Variants in ARHGAP26 observed in about 807,000 individuals in gnomAD.
ARHGAP26 encodes rho GTPase-activating protein 26.
In ARHGAP26, 38 loss-of-function variants were observed where a neutral mutation model predicts 104.8. The ratio of observed to expected loss-of-function variants is 0.36; its 90% confidence interval spans 0.28 to 0.48. The LOEUF is 0.48. Ranked by LOEUF, ARHGAP26 falls within the 20% of genes least tolerant of loss-of-function variation. ARHGAP26 has a pLI of 0.99. For missense variants in ARHGAP26, 704 were observed against 947.9 expected (o/e 0.74, Z 3.38); for synonymous variants, 341 against 340.0 (o/e 1.00, Z -0.03).
At chr5:143,056,955 C>G (rs1025620624) in intron 16 of ARHGAP26, among the ~76,000 whole-genome samples, 1 of 152,046 alleles carries the variant, frequency 6.6e-6, no homozygotes, top group Non-Finnish European at 1.5e-5. Context: ...AATTACAAAC[C>G]CATAGCAACC....
At chr5:143,096,417 C>T (rs1792319403) in intron 17 of ARHGAP26, among the ~76,000 whole-genome samples, 1 of 152,184 alleles carries the variant, frequency 6.6e-6, no homozygotes, top group Non-Finnish European at 1.5e-5. Context: ...TCACTTGGTT[C>T]ATTTCTGAGA....
intron 20 of ARHGAP26, among the ~76,000 whole-genome samples, chr5:143,161,949 A>C (rs1252373594): frequency 6.6e-6 from 1 of 152,198 alleles, no homozygotes; most frequent in Non-Finnish European, 1.5e-5. Context: ...CTAGAATTTA[A>C]GGATGATGGC....
intron 12 of ARHGAP26, among the ~76,000 whole-genome samples, chr5:143,030,087 T>G (rs1263343645): frequency 6.6e-6 from 1 of 152,184 alleles, no homozygotes; most frequent in African/African-American, 2.4e-5. Flanking sequence ...CTATTCAAAT[T>G]GGGCGATTTG....
chr5:143,022,238 A>T (rs375533181), intron 12 of ARHGAP26, among the ~76,000 whole-genome samples: 9 of 151,688 alleles, frequency 5.9e-5, no homozygotes, highest in African/African-American at 2.2e-4. Context: ...CACCTGGCTA[A>T]TTTTTTTTAT....
chr5:143,178,474 G>A (rs1365808935), intron 20 of ARHGAP26, among the ~76,000 whole-genome samples: 1 of 152,270 alleles, frequency 6.6e-6, no homozygotes, highest in Non-Finnish European at 1.5e-5. Flanking sequence ...CTTCCACATG[G>A]GATTTGCTTC....
Position 143,200,018 on chromosome 5 carries a change from A to G in ARHGAP26, c.1989-7180A>G, listed in dbSNP as rs964097022. 3.3e-5 allele frequency among the ~76,000 whole-genome samples: 5 copies of G among 152,194 alleles called. No individual in the cohort carries two copies. In the South Asian group the frequency reaches 8.3e-4, roughly 25 times the overall value. ...TCCTTCCCCACACAACCCTCTTGTC[A>G]AAATGCCCTTTGGAAAATTAAACAT... On this transcript the variant is annotated intron_variant, in intron 20 of 22. Coordinates refer to ENST00000645722, the MANE Select transcript of ARHGAP26 (RefSeq NM_001135608.3).
chr5:142,828,181 A>G (rs1263580310), intron 1 of ARHGAP26, among the ~76,000 whole-genome samples: 1 of 152,222 alleles, frequency 6.6e-6, no homozygotes, highest in Non-Finnish European at 1.5e-5. Context: ...ATTGTATGAA[A>G]TAACAACAAT....
intron 20 of ARHGAP26, among the ~76,000 whole-genome samples, chr5:143,181,962 G>A (rs906590404): frequency 1.3e-5 from 2 of 152,056 alleles, no homozygotes; most frequent in Admixed American, 1.3e-4. Flanking sequence ...CCCCTGACAC[G>A]GCTGCCTCCC....
At chr5:143,218,859 G>A (rs528588126) in intron 22 of ARHGAP26, among the ~76,000 whole-genome samples, 1 of 152,330 alleles carries the variant, frequency 6.6e-6, no homozygotes, top group Admixed American at 6.5e-5. Flanking sequence ...CAGACTCTGG[G>A]ATCAGATGTC....
chr5:143,036,130 A>T (rs1234213233), intron 12 of ARHGAP26, among the ~76,000 whole-genome samples: 1 of 152,098 alleles, frequency 6.6e-6, no homozygotes, highest in African/African-American at 2.4e-5. Context: ...CTCAAATATT[A>T]CAAGTTTATT....
chr5:143,161,950 G>A (rs960514260), intron 20 of ARHGAP26, among the ~76,000 whole-genome samples: 2 of 152,148 alleles, frequency 1.3e-5, no homozygotes, highest in African/African-American at 4.8e-5. Context: ...TAGAATTTAA[G>A]GATGATGGCC....
intron 20 of ARHGAP26, among the ~76,000 whole-genome samples, chr5:143,200,368 G>T (rs1166129812): frequency 6.6e-6 from 1 of 152,176 alleles, no homozygotes; most frequent in Non-Finnish European, 1.5e-5. Context: ...CACTGGCAGG[G>T]ATTCTCTACA....
chr5:142,822,581 CAT>C (rs760073558), intron 1 of ARHGAP26, among the ~76,000 whole-genome samples: 6 of 149,990 alleles, frequency 4.0e-5, no homozygotes, highest in East Asian at 3.9e-4. Flanking sequence ...TATCAGATAC[CAT>C]ATATATATAT....
chr5:142,851,785 G>T (rs1301308842), intron 1 of ARHGAP26, among the ~76,000 whole-genome samples: 1 of 152,176 alleles, frequency 6.6e-6, no homozygotes, highest in Non-Finnish European at 1.5e-5. Flanking sequence ...TTGTGCACCT[G>T]GTGCTCTTTC....
chr5:143,135,305 G>T (rs1797786043), intron 19 of ARHGAP26, among the ~76,000 whole-genome samples: 1 of 152,158 alleles, frequency 6.6e-6, no homozygotes, highest in African/African-American at 2.4e-5. Flanking sequence ...TTGTTCTGAG[G>T]ATTAAGGCCC....
At chr5:142,999,886 C>T (rs1185855023) in intron 11 of ARHGAP26, among the ~76,000 whole-genome samples, 1 of 152,064 alleles carries the variant, frequency 6.6e-6, no homozygotes, top group African/African-American at 2.4e-5. Flanking sequence ...TGACAAAGGA[C>T]ATATCCAGAA....
intron 17 of ARHGAP26, among the ~76,000 whole-genome samples, chr5:143,072,407 A>G (rs1444153239): frequency 1.3e-5 from 2 of 152,218 alleles, no homozygotes; most frequent in Non-Finnish European, 2.9e-5. Context: ...ACTGGAAACT[A>G]TTCCAAAGGA....
At chr5:143,090,736 G>C (rs979521468) in intron 17 of ARHGAP26, among the ~76,000 whole-genome samples, 3 of 152,170 alleles carry the variant, frequency 2.0e-5, no homozygotes, top group Non-Finnish European at 2.9e-5. Flanking sequence ...TTAGGAAATT[G>C]CAAAAACCTG....
At chr5:142,784,671 G>A (rs1053860975) in intron 1 of ARHGAP26, among the ~76,000 whole-genome samples, 7 of 152,140 alleles carry the variant, frequency 4.6e-5, no homozygotes, top group Non-Finnish European at 7.3e-5. Context: ...GGGGGTAGGC[G>A]ATGGTAGGCA....
Sources: gnomAD v4.1 joint callset for allele counts (sites outside exome capture counted in the v4.1 genomes callset) on GRCh38, gnomAD v4.1.1 for gene constraint, MANE v1.5 for transcripts, NCBI Gene and HGNC (gene_info 2026-07-23, HGNC 2026-07-21) for gene names.